TACR3: variants seen among roughly 807,000 people sequenced by gnomAD.
TACR3 encodes the protein neuromedin-K receptor.
Under a neutral mutation model 35.0 loss-of-function variants are expected in TACR3, and 34 were observed. That is an observed-to-expected ratio of 0.97 (90% CI 0.74 to 1.30). The LOEUF (loss-of-function observed/expected upper bound fraction) is 1.30, where lower values mean the gene tolerates loss of function less well. TACR3 is among the 50% of genes most tolerant of loss of function. The pLI, the probability that TACR3 is intolerant of heterozygous loss-of-function variation, is 0.00. For synonymous variants in TACR3, 233 were observed against 221.1 expected (o/e 1.05, Z -0.48); for missense variants, 558 against 591.7 (o/e 0.94, Z 0.59).
rs754200998 is a variant in TACR3, at chr4:103,719,668, G to T, written c.8C>A (p.Thr3Asn). The change falls in exon 1 of 5, where the codon ACT becomes AAT. Residue 3 changes from threonine (T) to asparagine (N), a missense_variant. Physicochemically the swap from Thr to Asn is moderately conservative, Grantham distance 65 (BLOSUM62 0). Transcript: ENST00000304883. MATLPAAETWIDG... is the reference protein window; with the variant it reads MANLPAAETWIDG... ...TATCCAGGTTTCTGCTGCTGGGAGA[G>T]TGGCCATCGCCACCGGTCTGCAGTC... is the stretch of plus-strand genomic sequence containing the variant. 4.3e-6 allele frequency: 7 copies of T among 1,610,012 alleles called. No individual in the cohort carries two copies. The African/African-American group carries it at 9.3e-5, about 21-fold the overall frequency.
At chr4:103,674,133 G>A (rs757480664) in intron 1 of TACR3, among the ~76,000 whole-genome samples, 1 of 152,074 alleles carries the variant, frequency 6.6e-6, no homozygotes, top group Non-Finnish European at 1.5e-5. Flanking sequence ...CTTGAAAAGA[G>A]GCAGAACACT....
chr4:103,708,813 G>T (rs1001136505), intron 1 of TACR3, among the ~76,000 whole-genome samples: 3 of 152,196 alleles, frequency 2.0e-5, no homozygotes, highest in Non-Finnish European at 4.4e-5. Context: ...GTCCTTAAAT[G>T]ACCTGATAGA....
At chr4:103,608,002 A>C (rs1244072549) in intron 3 of TACR3, among the ~76,000 whole-genome samples, 1 of 152,132 alleles carries the variant, frequency 6.6e-6, no homozygotes, top group Non-Finnish European at 1.5e-5. Flanking sequence ...CTGTGGTGGA[A>C]TTGTGCAGTC....
At chr4:103,612,391 G>A (rs1724532273) in intron 3 of TACR3, among the ~76,000 whole-genome samples, 1 of 152,056 alleles carries the variant, frequency 6.6e-6, no homozygotes. Context: ...AACTCCGATT[G>A]CAATTATTCT....
rs201875235 is a variant in TACR3, at chr4:103,589,617, G to A, written c.*65C>T. ...TATATAGGACAGGACTGGTAAATAGGAGAATGGGGTCCTAGACTGGCACCA... is the reference window on the plus strand; with the variant it reads ...TATATAGGACAGGACTGGTAAATAGAAGAATGGGGTCCTAGACTGGCACCA... On this transcript the variant is annotated 3_prime_UTR_variant, in exon 5 of 5. Transcript: ENST00000304883. The A allele has an allele frequency of 3.8e-6, 6 of 1,588,272 alleles. No homozygotes were observed. The highest frequency in any genetic ancestry group is 5.2e-6 in the Non-Finnish European group (6 of 1,158,414).
intron 3 of TACR3, among the ~76,000 whole-genome samples, chr4:103,626,539 G>A (rs1724896331): frequency 6.6e-6 from 1 of 152,110 alleles, no homozygotes; most frequent in Non-Finnish European, 1.5e-5. Context: ...AATATGCCAT[G>A]GAGATTTGCA....
intron 3 of TACR3, among the ~76,000 whole-genome samples, chr4:103,609,125 A>T (rs1023375026): frequency 2.0e-5 from 3 of 152,152 alleles, no homozygotes; most frequent in Admixed American, 6.6e-5. Flanking sequence ...AGGGAACTAC[A>T]CAGTGTAATG....
chr4:103,667,149 T>G (rs1050578420), intron 1 of TACR3, among the ~76,000 whole-genome samples: 2 of 152,066 alleles, frequency 1.3e-5, no homozygotes, highest in African/African-American at 2.4e-5. Flanking sequence ...TCCCAGCTAC[T>G]TGGGAGGCTG....
chr4:103,643,860 C>A (rs934289216), intron 3 of TACR3, among the ~76,000 whole-genome samples: 1 of 151,708 alleles, frequency 6.6e-6, no homozygotes, highest in African/African-American at 2.4e-5. Flanking sequence ...TTCCATCTCT[C>A]CTGAATTTGT....
At chr4:103,678,415 C>T (rs1191218401) in intron 1 of TACR3, among the ~76,000 whole-genome samples, 1 of 152,032 alleles carries the variant, frequency 6.6e-6, no homozygotes, top group Non-Finnish European at 1.5e-5. Context: ...TGGAATAAAG[C>T]AAGTATTAGA....
intron 1 of TACR3, among the ~76,000 whole-genome samples, chr4:103,690,299 G>A (rs1309624775): frequency 6.6e-6 from 1 of 152,038 alleles, no homozygotes; most frequent in Non-Finnish European, 1.5e-5. Flanking sequence ...AGCTTTGAAT[G>A]TAAAACACAC....
At chr4:103,651,245 A>C (rs1725613153) in intron 3 of TACR3, among the ~76,000 whole-genome samples, 1 of 150,790 alleles carries the variant, frequency 6.6e-6, no homozygotes, top group Admixed American at 6.6e-5. Context: ...AGAGTCAAAA[A>C]CCTTAGAAGT....
At chr4:103,675,520 A>G (rs1430115042) in intron 1 of TACR3, among the ~76,000 whole-genome samples, 1 of 152,202 alleles carries the variant, frequency 6.6e-6, no homozygotes, top group Non-Finnish European at 1.5e-5. Flanking sequence ...GTAGACTTCA[A>G]GGAAATTGAT....
intron 3 of TACR3, among the ~76,000 whole-genome samples, chr4:103,606,019 A>T (rs1724353014): frequency 6.6e-6 from 1 of 151,794 alleles, no homozygotes; most frequent in African/African-American, 2.4e-5. Context: ...TAAGGAAGGG[A>T]TCCAGTTTCA....
At chr4:103,682,209 G>GCCACCTCAAACTCCTAGGCTCAAGTGAT (rs1722115624) in intron 1 of TACR3, among the ~76,000 whole-genome samples, 3 of 152,030 alleles carry the variant, frequency 2.0e-5, no homozygotes, top group African/African-American at 7.2e-5. Context: ...ATGGCTTATG[G>GCCACCTCAAACTCCTAGGCTCAAGTGAT]CCACCTCAAA....
chr4:103,614,884 G>GTTTTGTTTTTTT (rs1724601712), intron 3 of TACR3, among the ~76,000 whole-genome samples: 1 of 72,006 alleles, frequency 1.4e-5, no homozygotes, highest in Non-Finnish European at 2.6e-5. Flanking sequence ...TTATGAATGT[G>GTTTTGTTTTTTT]TTTTTTTTTT....
rs139131842 is a variant in TACR3 at position 103,603,361 on chromosome 4, C to T, written c.889-11678G>A. ...GCACTTCCCGGGTGAGGTTATGCCT[C>T]GCCCTGCTTTGGCTCGTGCACGGTG... On this transcript the variant is annotated intron_variant, in intron 3 of 4. Transcript: ENST00000304883. Among the ~76,000 whole-genome samples the T allele has an allele frequency of 1.4e-3, 215 of 152,340 alleles. 6 individuals are homozygous for T. The highest frequency in any genetic ancestry group is 0.014 in the East Asian group (70 of 5,178).
At chr4:103,636,834 C>T (rs574627707) in intron 3 of TACR3, among the ~76,000 whole-genome samples, 2 of 152,210 alleles carry the variant, frequency 1.3e-5, no homozygotes, top group South Asian at 4.1e-4. Context: ...ACTAGAAAAT[C>T]TAGAAGAAAT....
rs1026777475 is a variant in TACR3 at position 103,586,109 on chromosome 4, G to C, written c.*3573C>G. The C allele has an allele frequency of 5.3e-5, 8 of 151,114 alleles. No homozygotes were observed. Among genetic ancestry groups the C allele is most frequent in the Admixed American group, 1.3e-4 (2 of 15,138 alleles). The allele number at this position is 151,114 out of a possible 1,614,324, so 9.4% of individuals were successfully genotyped here. On this transcript the variant is annotated 3_prime_UTR_variant, in exon 5 of 5. Transcript: ENST00000304883. ...CTGTCACATTATCACATATGCAAAG[G>C]GTGTAAATACATTAAACATATTCAA...
Sources: allele counts gnomAD v4.1 joint callset (sites outside exome capture counted in the v4.1 genomes callset), GRCh38; gene constraint gnomAD v4.1.1; transcripts MANE v1.5; gene names NCBI Gene and HGNC (gene_info 2026-07-23, HGNC 2026-07-21).